The following POLR1B variants were observed in gnomAD, a reference collection of about 807,000 sequenced individuals.
POLR1B encodes DNA-directed RNA polymerase I subunit RPA2.
A neutral mutation model predicts 105.8 loss-of-function variants in POLR1B; 30 were observed. That is an observed-to-expected ratio of 0.28 (90% CI 0.21 to 0.38). POLR1B has a LOEUF of 0.38. POLR1B is among the 10% of genes least tolerant of loss of function. The probability of loss-of-function intolerance (pLI) is 1.00; values close to 1 mark genes in which losing one functional copy is unlikely to be tolerated. For missense variants in POLR1B, 976 were observed against 1,435.8 expected (o/e 0.68, Z 5.17); for synonymous variants, 485 against 505.1 (o/e 0.96, Z 0.53).
intron 9 of POLR1B, among the ~76,000 whole-genome samples, chr2:112,563,298 G>A (rs1314194045): frequency 1.3e-5 from 2 of 151,728 alleles, no homozygotes; most frequent in East Asian, 3.9e-4. Flanking sequence ...CTCGTGATCT[G>A]CCCGCCTCTG....
chr2:112,554,096 G>GA (rs1683519685), intron 7 of POLR1B, among the ~76,000 whole-genome samples: 2 of 144,774 alleles, frequency 1.4e-5, no homozygotes, highest in African/African-American at 5.1e-5. Context: ...CCAAAGTGCT[G>GA]GGATTACAGG....
chr2:112,543,968 G>T (rs1374676537), intron 1 of POLR1B, among the ~76,000 whole-genome samples: 1 of 151,286 alleles, frequency 6.6e-6, no homozygotes, highest in Non-Finnish European at 1.5e-5. Flanking sequence ...CCAAGTAGCT[G>T]GTCCCAGCTA....
At chr2:112,565,781 G>C (rs140846879) in intron 10 of POLR1B, among the ~76,000 whole-genome samples, 1 of 152,050 alleles carries the variant, frequency 6.6e-6, no homozygotes, top group East Asian at 1.9e-4. Context: ...ATGACTGATG[G>C]AATCATTGGC....
chr2:112,578,548 A>C lies in POLR1B; in HGVS notation c.*2819A>C, dbSNP rs1195990603. Among the ~76,000 whole-genome samples the C allele has an allele frequency of 1.3e-5, 2 of 152,166 alleles. No homozygotes were observed. Among genetic ancestry groups the C allele is most frequent in the Non-Finnish European group, 2.9e-5 (2 of 68,028 alleles). ...TCCATAGTATGAATATACTATGTACATAGCATATATATTTATAGTTTAACC... is the reference window on the plus strand; with the variant it reads ...TCCATAGTATGAATATACTATGTACCTAGCATATATATTTATAGTTTAACC... On this transcript the variant is annotated 3_prime_UTR_variant, in exon 15 of 15. Coordinates refer to ENST00000263331, the MANE Select transcript of POLR1B (RefSeq NM_019014.6).
intron 4 of POLR1B, among the ~76,000 whole-genome samples, chr2:112,550,074 C>T (rs1416479780): frequency 6.6e-6 from 1 of 152,094 alleles, no homozygotes; most frequent in Non-Finnish European, 1.5e-5. Context: ...TCTGGCTTGG[C>T]CATAAGTGGG....
In POLR1B at chr2:112,552,644, G is replaced by A; in HGVS notation, c.987-1G>A. 1.3e-6 allele frequency: 2 copies of A among 1,539,266 alleles called. No individual in the cohort carries two copies. Among genetic ancestry groups the A allele is most frequent in the African/African-American group, 1.4e-5 (1 of 70,576 alleles). ...GCTTTTTTTTTTTTCTGTTTTCACA[G>A]CCAGTGCATCTGTATCCACTTGAAA... On this transcript the variant is annotated splice_acceptor_variant, in intron 6 of 14. Transcript: ENST00000263331. LOFTEE classifies it high-confidence loss of function.
chr2:112,565,130 A>G (rs1239410384), intron 10 of POLR1B, among the ~76,000 whole-genome samples: 1 of 152,236 alleles, frequency 6.6e-6, no homozygotes, highest in East Asian at 1.9e-4. Context: ...ATTGCAAATA[A>G]TGCTGCTATG....
At chr2:112,561,332 G>A (rs6707131) in intron 9 of POLR1B, among the ~76,000 whole-genome samples, 120,381 of 152,082 alleles carry the variant, frequency 0.79, 47,902 homozygotes, top group Middle Eastern at 0.88. Context: ...AGAAGAAGAC[G>A]GAATCGCTAC....
At chr2:112,559,129 T>A (rs1683825337) in intron 8 of POLR1B, among the ~76,000 whole-genome samples, 164 bp from the exon 9 acceptor site, 1 of 152,140 alleles carries the variant, frequency 6.6e-6, no homozygotes, top group South Asian at 2.1e-4. Flanking sequence ...ATTTTACATA[T>A]TTTTTTGTGA....
intron 13 of POLR1B, 33 bp downstream of exon 13, chr2:112,572,791 TTTTA>T (rs1248679512): frequency 2.4e-5 from 36 of 1,497,342 alleles, no homozygotes; most frequent in Non-Finnish European, 3.0e-5. Context: ...GTTCCAATCT[TTTTA>T]TTTTTTAACT....
chr2:112,562,477 G>A (rs906272454), intron 9 of POLR1B, among the ~76,000 whole-genome samples: 1 of 152,134 alleles, frequency 6.6e-6, no homozygotes, highest in Non-Finnish European at 1.5e-5. Context: ...TGGTTCCAGA[G>A]CGCTGCAATA....
chr2:112,559,817 A>G (rs1459480005), intron 9 of POLR1B, among the ~76,000 whole-genome samples: 1 of 151,946 alleles, frequency 6.6e-6, no homozygotes, highest in Non-Finnish European at 1.5e-5. Flanking sequence ...TTTTTAGTAG[A>G]GACAGGGTTT....
At position 112,552,788 on chromosome 2, in the gene POLR1B, C is replaced by T. The variant is rs377083325; in HGVS notation, c.1130C>T (p.Pro377Leu). The T allele has an allele frequency of 9.4e-6, 15 of 1,599,044 alleles. No homozygotes were observed. The highest frequency in any genetic ancestry group is 2.7e-5 in the African/African-American group (2 of 74,038). ...TTGGTGAACCAGGAAGTCCTCACACCGGGTCAGCTCTTCCTTATGTTCCTG... is the reference window on the plus strand; with the variant it reads ...TTGGTGAACCAGGAAGTCCTCACACTGGGTCAGCTCTTCCTTATGTTCCTG... ...DSLVNQEVLT[P>L]GQLFLMFLKE... Residue 377 changes from proline (P) to leucine (L), a missense_variant, in exon 7 of 15, where the codon CCG becomes CTG. Pro to Leu is a moderately conservative substitution (Grantham distance 98). Coordinates refer to ENST00000263331, the MANE Select transcript of POLR1B (RefSeq NM_019014.6).
chr2:112,573,872 G>T, intron 14 of POLR1B, 57 bp downstream of exon 14: 3 of 1,567,652 alleles, frequency 1.9e-6, no homozygotes, highest in Non-Finnish European at 1.7e-6. Context: ...TTTGAGACAG[G>T]GTCTCAGTGT....
Position 112,572,641 on chromosome 2 carries a change from G to C in POLR1B, c.2154G>C (p.Gln718His). 2 of 1,613,578 alleles carry C rather than the reference G, an allele frequency of 1.2e-6. No individual in the cohort carries two copies. The highest frequency in any genetic ancestry group is 1.7e-4 in the Middle Eastern group (1 of 6,060). The change falls in exon 13 of 15, where the codon CAG becomes CAC. Residue 718 changes from glutamine (Q) to histidine (H), a missense_variant. Transcript: ENST00000263331. ...AACTGTATCGTCTTCAGACTCCTCA[G>C]AGTCCCTTGGTGAGACCCTCCATGT... ...DNKLYRLQTP[Q>H]SPLVRPSMYD...
At chr2:112,552,938 T>C (rs779494902) in intron 7 of POLR1B, 122 bp downstream of exon 7, 8 of 951,350 alleles carry the variant, frequency 8.4e-6, no homozygotes, top group African/African-American at 1.7e-5. Flanking sequence ...GTGTGGTCTC[T>C]TTTTTGTTTG....
intron 7 of POLR1B, among the ~76,000 whole-genome samples, chr2:112,556,157 G>C (rs553225062): frequency 6.6e-6 from 1 of 152,328 alleles, no homozygotes; most frequent in South Asian, 2.1e-4. Context: ...GAAGATGTAG[G>C]CTCAAGAAAG....
intron 7 of POLR1B, among the ~76,000 whole-genome samples, 163 bp from the exon 8 acceptor site, chr2:112,557,747 C>G (rs908716301): frequency 2.0e-5 from 3 of 151,792 alleles, no homozygotes; most frequent in African/African-American, 7.3e-5. Flanking sequence ...ACCCCACCCC[C>G]TCTGGCTAAT....
In POLR1B at chr2:112,575,808, C is replaced by T; in HGVS notation, c.*79C>T. The T allele has an allele frequency of 6.9e-7, 1 of 1,440,558 alleles. No individual in the cohort carries two copies. The highest frequency in any genetic ancestry group is 9.4e-7 in the Non-Finnish European group (1 of 1,067,480). The allele number at this position is 1,440,558 out of a possible 1,614,324, so 89.2% of individuals were successfully genotyped here. On this transcript the variant is annotated 3_prime_UTR_variant, in exon 15 of 15. Coordinates refer to ENST00000263331, the MANE Select transcript of POLR1B (RefSeq NM_019014.6). This position sits in a 1 kb window ranked among gnomAD's most constrained non-coding sequence, Gnocchi z 5.3. ...TTTTAATTCAATGAAGATATCATTA[C>T]CAGGTTACTCTTGAGATTTTTCAAC... is the stretch of plus-strand genomic sequence containing the variant.
Sources: allele counts gnomAD v4.1 joint callset (sites outside exome capture counted in the v4.1 genomes callset), GRCh38; gene constraint gnomAD v4.1.1; non-coding constraint Gnocchi (gnomAD v3.1); transcripts MANE v1.5; gene names NCBI Gene and HGNC (gene_info 2026-07-23, HGNC 2026-07-21).